The following FH variants were observed in gnomAD, a reference collection of about 807,000 sequenced individuals.
FH encodes the protein fumarate hydratase, mitochondrial.
Under a neutral mutation model 49.4 loss-of-function variants are expected in FH, and 22 were observed. The ratio of observed to expected loss-of-function variants is 0.45; its 90% CI spans 0.32 to 0.64. The LOEUF (loss-of-function observed/expected upper bound fraction) is 0.64, where lower values mean the gene tolerates loss of function less well. FH is among the 30% of genes least tolerant of loss of function. The pLI is 0.05. For synonymous variants in FH, 208 were observed against 223.0 expected (o/e 0.93, Z 0.60); for missense variants, 526 against 641.5 (o/e 0.82, Z 1.95).
intron 9 of FH, 145 bp from the exon 10 acceptor site, chr1:241,498,115 A>G: frequency 1.4e-6 from 1 of 731,360 alleles, no homozygotes; most frequent in South Asian, 1.6e-5. Flanking sequence ...GTTAACAGTG[A>G]TTATCTCAAT....
chr1:241,512,438 T>C (rs528683207), intron 3 of FH, among the ~76,000 whole-genome samples: 1 of 152,320 alleles, frequency 6.6e-6, no homozygotes, highest in South Asian at 2.1e-4. Flanking sequence ...TATTTGTTGC[T>C]GGTGCTCAGC....
intron 9 of FH, among the ~76,000 whole-genome samples, chr1:241,498,701 A>G (rs1659687887): frequency 8.3e-5 from 1 of 12,088 alleles, no homozygotes; most frequent in East Asian, 2.5e-3. Context: ...TAACATATAT[A>G]TATATATATA....
intron 5 of FH, 120 bp from the exon 6 acceptor site, chr1:241,506,288 T>C (rs1308740172): frequency 2.6e-6 from 2 of 763,298 alleles, no homozygotes; most frequent in African/African-American, 1.8e-5. Flanking sequence ...TACAAGCTAA[T>C]CAAGTTTTAT....
At chr1:241,498,276 A>G (rs1659675347) in intron 9 of FH, among the ~76,000 whole-genome samples, 1 of 152,194 alleles carries the variant, frequency 6.6e-6, no homozygotes, top group Admixed American at 6.5e-5. Flanking sequence ...GCACCACGAC[A>G]TAAAAATATA....
intron 5 of FH, among the ~76,000 whole-genome samples, chr1:241,506,718 C>T (rs1200198321): frequency 7.9e-5 from 12 of 152,202 alleles, no homozygotes; most frequent in Admixed American, 6.5e-4. Flanking sequence ...TAACAGTTTG[C>T]ATTGAAGGAC....
At chr1:241,504,843 A>G (rs907063928) in intron 6 of FH, among the ~76,000 whole-genome samples, 2 of 151,972 alleles carry the variant, frequency 1.3e-5, no homozygotes, top group African/African-American at 4.8e-5. Flanking sequence ...ATGCCTGACT[A>G]TGCTTGAGTA....
At chr1:241,513,951 CAT>C (rs1329795250) in intron 2 of FH, among the ~76,000 whole-genome samples, 1 of 152,086 alleles carries the variant, frequency 6.6e-6, no homozygotes, top group African/African-American at 2.4e-5. Flanking sequence ...ATTGACTCTT[CAT>C]ATATATATGT....
intron 2 of FH, 28 bp from the exon 3 acceptor site, chr1:241,513,741 A>G: frequency 6.3e-7 from 1 of 1,575,324 alleles, no homozygotes; most frequent in Non-Finnish European, 8.7e-7. Context: ...AATATTTCAA[A>G]TTTACAATTT....
rs369732066 is a variant in FH, at chr1:241,497,821, A to T, written c.*7T>A. 6 of 1,584,290 alleles carry T rather than the reference A, an allele frequency of 3.8e-6. No homozygotes were observed. The highest frequency in any genetic ancestry group is 5.2e-6 in the Non-Finnish European group (6 of 1,164,438). ...ACATGTTTATTTTCATTATAAATTT[A>T]TGTAAATCACTTTGGACCCAGCATG... On this transcript the variant is annotated 3_prime_UTR_variant, in exon 10 of 10. Transcript: ENST00000366560.
rs1490011492 is a variant in FH, at chr1:241,508,741, T to C, written c.600A>G (p.Ala200=). 4 of 1,613,960 alleles carry C rather than the reference T, an allele frequency of 2.5e-6. No homozygotes were observed. Among genetic ancestry groups the C allele is most frequent in the Non-Finnish European group, 3.4e-6 (4 of 1,179,872 alleles). ...GTAACAGTACTTCATGAACTTCTAT[T>C]GCAGCAGCAATGTGCATTGCTGTGG... The part of the protein sequence containing the change: ...TFPTAMHIAA[A]IEVHEVLLPG... The change falls in exon 5 of 10, where the codon GCA becomes GCG. Residue 200 remains alanine, a synonymous_variant. Coordinates refer to ENST00000366560, the MANE Select transcript of FH (RefSeq NM_000143.4).
Position 241,518,030 on chromosome 1 carries a change from T to TTAA in FH, c.133-715_133-714insTTA, listed in dbSNP as rs540737793. Among the ~76,000 whole-genome samples, 850 of 152,316 alleles carry TTAA rather than the reference T, an allele frequency of 5.6e-3. 9 individuals carry two copies. Among genetic ancestry groups the TTAA allele is most frequent in the African/African-American group, 0.019 (810 of 41,582 alleles). On this transcript the variant is annotated intron_variant, in intron 1 of 9. Coordinates refer to ENST00000366560, the MANE Select transcript of FH (RefSeq NM_000143.4). ...AACCCTATCCCCATAGGGACTGTCT[T>TTAA]ATTTACAGGGCCTGGTAAGTGGAAG...
At chr1:241,498,573 T>C (rs1307258113) in intron 9 of FH, among the ~76,000 whole-genome samples, 1 of 150,908 alleles carries the variant, frequency 6.6e-6, no homozygotes, top group Non-Finnish European at 1.5e-5. Flanking sequence ...GGGACACAAA[T>C]AGGGAGTCTG....
intron 8 of FH, 105 bp from the exon 9 acceptor site, chr1:241,500,695 G>A (rs1659757717): frequency 6.9e-7 from 1 of 1,458,964 alleles, no homozygotes; most frequent in Non-Finnish European, 9.3e-7. Context: ...CTGGTTGACA[G>A]TAAATATACA....
intron 5 of FH, among the ~76,000 whole-genome samples, chr1:241,507,151 G>T (rs1289856920): frequency 6.6e-6 from 1 of 152,036 alleles, no homozygotes; most frequent in Non-Finnish European, 1.5e-5. Context: ...TTATAAAACC[G>T]TATTTTTACT....
intron 2 of FH, among the ~76,000 whole-genome samples, chr1:241,515,361 C>T (rs893357707): frequency 6.6e-6 from 1 of 152,108 alleles, no homozygotes; most frequent in Non-Finnish European, 1.5e-5. Context: ...TCAATGAAAA[C>T]GGCAGCCATG....
chr1:241,505,155 C>T (rs999330198), intron 6 of FH, among the ~76,000 whole-genome samples: 7 of 152,024 alleles, frequency 4.6e-5, no homozygotes, highest in African/African-American at 1.5e-4. Context: ...AAGTGATCTG[C>T]CCATCTTGGC....
In FH at chr1:241,507,133, C is replaced by T. The variant is rs1215938209; in HGVS notation, c.739-965G>A. Among the ~76,000 whole-genome samples the T allele has an allele frequency of 2.6e-5, 4 of 152,100 alleles. No homozygotes were observed. The East Asian group carries it at 5.8e-4, about 22-fold the overall frequency. On this transcript the variant is annotated intron_variant, in intron 5 of 9. Transcript: ENST00000366560. The stretch of plus-strand genomic sequence containing the variant: ...ACGAAAGATCACATAAACAGTGGGA[C>T]CCTAAGATTATAAAACCGTATTTTT...
intron 7 of FH, among the ~76,000 whole-genome samples, chr1:241,502,801 C>A (rs1042768477): frequency 6.6e-6 from 1 of 152,168 alleles, no homozygotes; most frequent in African/African-American, 2.4e-5. Flanking sequence ...TAGTTCTCCA[C>A]CTTCATGATT....
At chr1:241,506,414 T>C (rs1659931780) in intron 5 of FH, among the ~76,000 whole-genome samples, 1 of 152,178 alleles carries the variant, frequency 6.6e-6, no homozygotes. Context: ...TAATCTAGTC[T>C]TTTAATAGGA....
Sources: allele counts gnomAD v4.1 joint callset (sites outside exome capture counted in the v4.1 genomes callset), GRCh38; gene constraint gnomAD v4.1.1; transcripts MANE v1.5; gene names NCBI Gene and HGNC (gene_info 2026-07-23, HGNC 2026-07-21).